Variants in GYPB observed in about 807,000 individuals in gnomAD.
The protein encoded by GYPB is glycophorin-B.
In GYPB, 13 loss-of-function variants were observed where a neutral mutation model predicts 15.3. That is an observed-to-expected ratio of 0.85 (90% CI 0.55 to 1.35). The LOEUF is 1.35. GYPB is among the 40% of genes most tolerant of loss of function. GYPB has a pLI of 0.00. For synonymous variants in GYPB, 38 were observed against 36.9 expected (o/e 1.03, Z -0.11); for missense variants, 131 against 108.3 (o/e 1.21, Z -0.93).
intron 3 of GYPB, 139 bp downstream of exon 3, chr4:143,999,272 T>A (rs951599456): frequency 1.7e-6 from 1 of 592,880 alleles, no homozygotes; most frequent in African/African-American, 2.0e-5. Flanking sequence ...ATTTTCTTTG[T>A]CTTTACAATT....
At chr4:143,999,316 T>C (rs1197132196) in intron 3 of GYPB, 95 bp downstream of exon 3, 1 of 696,780 alleles carries the variant, frequency 1.4e-6, no homozygotes, top group Non-Finnish European at 2.6e-6. Context: ...TATGCTCTTC[T>C]GTTTTAAGAT....
intron 2 of GYPB, 143 bp downstream of exon 2, chr4:144,001,042 G>A: frequency 1.4e-6 from 2 of 1,409,592 alleles, no homozygotes; most frequent in Non-Finnish European, 2.0e-6. Flanking sequence ...AGTAAGAATT[G>A]TGTCTACTTA....
chr4:143,998,327 G>A (rs1450993917), intron 3 of GYPB, among the ~76,000 whole-genome samples: 2 of 151,440 alleles, frequency 1.3e-5, no homozygotes, highest in African/African-American at 4.9e-5. Flanking sequence ...TAGCATATTT[G>A]TAGTACTTCC....
At chr4:144,001,615 T>C (rs1727630776) in intron 1 of GYPB, among the ~76,000 whole-genome samples, 1 of 151,298 alleles carries the variant, frequency 6.6e-6, no homozygotes, top group East Asian at 1.9e-4. Flanking sequence ...TGTGTGTGTA[T>C]GTGGTATGTG....
intron 1 of GYPB, among the ~76,000 whole-genome samples, chr4:144,017,941 A>G (rs1728590949): frequency 6.6e-6 from 1 of 150,992 alleles, no homozygotes; most frequent in Admixed American, 6.6e-5. Flanking sequence ...TCTTTCTGTA[A>G]TTTTCTTGTC....
chr4:144,016,047 T>A (rs1728479105), intron 1 of GYPB, among the ~76,000 whole-genome samples: 1 of 145,708 alleles, frequency 6.9e-6, no homozygotes, highest in South Asian at 2.1e-4. Flanking sequence ...TTTTCAAGAA[T>A]TTATAGTCAT....
chr4:144,012,933 A>G (rs71620719), intron 1 of GYPB, among the ~76,000 whole-genome samples: 2,235 of 76,898 alleles, frequency 0.029, no homozygotes, highest in Admixed American at 0.046. Flanking sequence ...AGCGTAAGCA[A>G]CAAAAGAAAA....
chr4:144,002,441 T>G (rs1247922972), intron 1 of GYPB: 1 of 384,902 alleles, frequency 2.6e-6, no homozygotes, highest in Non-Finnish European at 4.7e-6. Flanking sequence ...GACTGCAGAG[T>G]ATTCCATTGT....
intron 1 of GYPB, among the ~76,000 whole-genome samples, chr4:144,018,222 C>G (rs1430831474): frequency 6.6e-6 from 1 of 151,352 alleles, no homozygotes; most frequent in African/African-American, 2.5e-5. Context: ...GACGAGGACA[C>G]ATAAAAATGT....
intron 3 of GYPB, 200 bp downstream of exon 3, chr4:143,999,211 C>A (rs1243837670): frequency 4.3e-6 from 2 of 469,918 alleles, no homozygotes; most frequent in Admixed American, 4.3e-5. Context: ...CCCTGGCCCC[C>A]AAAATGTTTT....
intron 1 of GYPB, among the ~76,000 whole-genome samples, chr4:144,017,090 C>A (rs530032263): frequency 3.3e-5 from 5 of 151,060 alleles, no homozygotes; most frequent in Admixed American, 6.6e-5. Context: ...ACTGCTCCCA[C>A]CCTCCGTGTA....
chr4:144,017,124 T>A (rs1405573511), intron 1 of GYPB, among the ~76,000 whole-genome samples: 1 of 150,986 alleles, frequency 6.6e-6, no homozygotes, highest in East Asian at 1.9e-4. Context: ...CCCATTTTTC[T>A]TCCTGCCCTG....
chr4:144,011,153 G>A (rs567354863), intron 1 of GYPB, among the ~76,000 whole-genome samples: 1 of 84,250 alleles, frequency 1.2e-5, no homozygotes, highest in African/African-American at 4.2e-5. Context: ...GGCTGAGGCA[G>A]GTGGATTGCC....
rs1346203528 is a variant in GYPB, at chr4:144,002,611, C to A, written c.38-1328G>T. ...GGAGACATTCAAATGAGGGGAATGG[C>A]ACCCAAGTGCAGTGGAGTGGAGGTG... On this transcript the variant is annotated intron_variant, in intron 1 of 4. Transcript: ENST00000502664. 4 of 1,287,124 alleles carry A rather than the reference C, an allele frequency of 3.1e-6. No individual in the cohort carries two copies. In the South Asian group the frequency reaches 4.9e-5, roughly 16 times the overall value. The allele number at this position is 1,287,124 out of a possible 1,614,324, so 79.7% of individuals were successfully genotyped here.
chr4:143,995,934 T>C, downstream of GYPB, among the ~76,000 whole-genome samples: 1 of 151,316 alleles, frequency 6.6e-6, no homozygotes, highest in Non-Finnish European at 1.5e-5. Flanking sequence ...CTTCATGTTA[T>C]CTTGGACAAC....
rs1305816658 is a variant in GYPB at position 144,001,339 on chromosome 4, T to C, written c.38-56A>G. ...AAGAACGAGGTGACTGAGCAGACCA[T>C]AAAGCATATCACAAAAGACAAATTC... On this transcript the variant is annotated intron_variant, in intron 1 of 4. Transcript: ENST00000502664. 3.7e-6 allele frequency: 6 copies of C among 1,612,050 alleles called. No individual in the cohort carries two copies. In the East Asian group the frequency reaches 1.1e-4, roughly 30 times the overall value.
At position 143,996,218 on chromosome 4, in the gene GYPB, G is replaced by T; in HGVS notation, c.*81C>A. 6.5e-7 allele frequency: 1 copy of T among 1,549,560 alleles called. No individual in the cohort carries two copies. The highest frequency in any genetic ancestry group is 8.7e-7 in the Non-Finnish European group (1 of 1,146,444). The stretch of plus-strand genomic sequence containing the variant: ...TAGGGGCATAAGCAAAGGAATAGCA[G>T]GTGCAGCCAGTTTGCATAAACAAGA... On this transcript the variant is annotated 3_prime_UTR_variant, in exon 5 of 5. Coordinates refer to ENST00000502664, the MANE Select transcript of GYPB (RefSeq NM_002100.6).
chr4:144,006,217 T>C (rs1430100535), intron 1 of GYPB, among the ~76,000 whole-genome samples: 1 of 151,952 alleles, frequency 6.6e-6, no homozygotes. Context: ...TGAATTGGTA[T>C]ACTTTCTAGA....
intron 1 of GYPB, among the ~76,000 whole-genome samples, chr4:144,013,014 C>T (rs1315607475): frequency 6.6e-6 from 1 of 151,562 alleles, no homozygotes; most frequent in East Asian, 1.9e-4. Flanking sequence ...AAACAAAAAT[C>T]TACAGAATGA....
Sources: gnomAD v4.1 joint callset for allele counts (sites outside exome capture counted in the v4.1 genomes callset) on GRCh38, gnomAD v4.1.1 for gene constraint, MANE v1.5 for transcripts, NCBI Gene and HGNC (gene_info 2026-07-23, HGNC 2026-07-21) for gene names.